The following ROBO2 variants were observed in gnomAD, a reference collection of about 807,000 sequenced individuals.
ROBO2 encodes roundabout homolog 2.
ROBO2 carries 53 observed loss-of-function variants against 160.8 expected under a neutral mutation model. The ratio of observed to expected loss-of-function variants is 0.33; its 90% CI spans 0.26 to 0.41. The LOEUF is 0.41. Among genes scored for constraint, ROBO2 ranks in the 10% least tolerant of loss-of-function variants. ROBO2 has a pLI of 1.00. For missense variants in ROBO2, 1,577 were observed against 1,722.4 expected, an observed-to-expected ratio of 0.92 and a Z score of 1.49; for synonymous variants, 664 against 611.7, an observed-to-expected ratio of 1.09 and a Z score of -1.26.
intron 2 of ROBO2, among the ~76,000 whole-genome samples, chr3:77,017,974 A>T (rs2062385151): frequency 6.6e-6 from 1 of 152,206 alleles, no homozygotes. Context: ...CACTAGGCAT[A>T]AATTGGGTAA....
chr3:76,145,937 G>C (rs566091478), intron 2 of ROBO2, among the ~76,000 whole-genome samples: 1 of 151,976 alleles, frequency 6.6e-6, no homozygotes, highest in Non-Finnish European at 1.5e-5. Flanking sequence ...ACAATAGTTT[G>C]AGGAAATGGT....
At chr3:76,436,193 CTT>C (rs200738328) in intron 2 of ROBO2, among the ~76,000 whole-genome samples, 1 of 150,986 alleles carries the variant, frequency 6.6e-6, no homozygotes, top group South Asian at 2.1e-4. Context: ...ATTTCTTTTT[CTT>C]TTTTTTTATT....
intron 2 of ROBO2, among the ~76,000 whole-genome samples, chr3:77,300,799 A>G (rs1220492361): frequency 6.6e-6 from 1 of 152,040 alleles, no homozygotes; most frequent in Non-Finnish European, 1.5e-5. Context: ...GCTACCTAAA[A>G]CAGGAGAGTT....
chr3:77,380,236 A>G (rs553815528), intron 2 of ROBO2, among the ~76,000 whole-genome samples: 23 of 152,356 alleles, frequency 1.5e-4, no homozygotes, highest in Admixed American at 3.9e-4. Flanking sequence ...GAAGAAATCA[A>G]AATAACACAG....
At chr3:77,328,557 GTGAT>G (rs2065669081) in intron 2 of ROBO2, among the ~76,000 whole-genome samples, 1 of 152,044 alleles carries the variant, frequency 6.6e-6, no homozygotes, top group African/African-American at 2.4e-5. Context: ...CTATTATTTG[GTGAT>G]TGATCTGCTG....
intron 2 of ROBO2, among the ~76,000 whole-genome samples, chr3:76,198,457 G>T (rs1012564501): frequency 6.6e-6 from 1 of 152,140 alleles, no homozygotes; most frequent in Non-Finnish European, 1.5e-5. Context: ...GTGATGAAAA[G>T]AAATTACTGC....
intron 2 of ROBO2, among the ~76,000 whole-genome samples, chr3:76,145,564 T>A (rs2071852876): frequency 6.6e-6 from 1 of 152,056 alleles, no homozygotes; most frequent in Non-Finnish European, 1.5e-5. Flanking sequence ...ATTACTAGAC[T>A]ATTATACCAT....
At chr3:77,519,262 TA>T (rs550621957) in intron 5 of ROBO2, among the ~76,000 whole-genome samples, 1 of 151,404 alleles carries the variant, frequency 6.6e-6, no homozygotes, top group Non-Finnish European at 1.5e-5. Flanking sequence ...TTTAAAATGA[TA>T]AAAAAATCTC....
At chr3:76,521,794 T>C (rs1234256783) in intron 2 of ROBO2, among the ~76,000 whole-genome samples, 1 of 152,200 alleles carries the variant, frequency 6.6e-6, no homozygotes, top group African/African-American at 2.4e-5. Context: ...CTTTCTAAGT[T>C]TGTATTATTC....
At chr3:77,102,194 T>G (rs549009422) in intron 2 of ROBO2, among the ~76,000 whole-genome samples, 42 of 152,162 alleles carry the variant, frequency 2.8e-4, no homozygotes, top group Non-Finnish European at 5.6e-4. Context: ...TGCCGGGTCT[T>G]TCCTAGAATG....
chr3:76,721,843 C>T (rs954007558), intron 2 of ROBO2, among the ~76,000 whole-genome samples: 2 of 152,104 alleles, frequency 1.3e-5, no homozygotes, highest in Non-Finnish European at 2.9e-5. Context: ...ATTTGGGACA[C>T]CCAGTGTGTT....
At chr3:76,094,426 T>G (rs1359290633) in intron 2 of ROBO2, among the ~76,000 whole-genome samples, 2 of 152,198 alleles carry the variant, frequency 1.3e-5, no homozygotes, top group Non-Finnish European at 2.9e-5. Flanking sequence ...TTTTCAAGGA[T>G]TCACAGTCAA....
intron 2 of ROBO2, among the ~76,000 whole-genome samples, chr3:76,964,266 A>G (rs554084959): frequency 1.6e-4 from 25 of 152,312 alleles, no homozygotes; most frequent in African/African-American, 6.0e-4. Flanking sequence ...TAAGGTTTAA[A>G]TGTTGAGTCT....
intron 2 of ROBO2, among the ~76,000 whole-genome samples, chr3:77,455,743 T>G: frequency 6.6e-6 from 1 of 152,068 alleles, no homozygotes; most frequent in East Asian, 1.9e-4. Flanking sequence ...TACTCTTTTT[T>G]TTTTTTTTAG....
At chr3:76,656,503 G>A (rs560258672) in intron 2 of ROBO2, among the ~76,000 whole-genome samples, 1 of 151,978 alleles carries the variant, frequency 6.6e-6, no homozygotes, top group African/African-American at 2.4e-5. Context: ...TGTTAAAACT[G>A]GCCAGAAAAG....
At chr3:76,324,428 C>T (rs1393727249) in intron 2 of ROBO2, among the ~76,000 whole-genome samples, 3 of 152,132 alleles carry the variant, frequency 2.0e-5, no homozygotes, top group African/African-American at 7.2e-5. Context: ...AGGGTGGTTT[C>T]TAAAGGTCAC....
intron 2 of ROBO2, among the ~76,000 whole-genome samples, chr3:76,624,773 A>G: frequency 8.8e-6 from 1 of 113,846 alleles, no homozygotes; most frequent in South Asian, 3.2e-4. Flanking sequence ...TTCCAGCCTG[A>G]GTGACAGAGT....
At chr3:77,185,625 A>G (rs977525907) in intron 2 of ROBO2, among the ~76,000 whole-genome samples, 1 of 151,958 alleles carries the variant, frequency 6.6e-6, no homozygotes, top group Non-Finnish European at 1.5e-5. Flanking sequence ...AACTAAAAGT[A>G]GAACCACCAT....
Position 76,121,160 on chromosome 3 carries a change from C to G in ROBO2, c.109+183558C>G, listed in dbSNP as rs189060171. The stretch of plus-strand genomic sequence containing the variant: ...GTTATACTACTAAGGGTCATGCATA[C>G]CATTTAATGAGGACAGCAATTTCAC... On this transcript the variant is annotated intron_variant, in intron 2 of 26. Transcript: ENST00000487694. 7.2e-5 allele frequency among the ~76,000 whole-genome samples: 11 copies of G among 152,162 alleles called. No homozygotes were observed. The East Asian group carries it at 1.5e-3, about 21-fold the overall frequency.
Sources: gnomAD v4.1 joint callset for allele counts (sites outside exome capture counted in the v4.1 genomes callset) on GRCh38, gnomAD v4.1.1 for gene constraint, MANE v1.5 for transcripts, NCBI Gene and HGNC (gene_info 2026-07-23, HGNC 2026-07-21) for gene names.